Variants in KCNC2 observed in about 807,000 individuals in gnomAD.
The protein encoded by KCNC2 is potassium voltage-gated channel subfamily C member 2.
Under a neutral mutation model 44.5 loss-of-function variants are expected in KCNC2, and 21 were observed. The ratio of observed to expected loss-of-function variants is 0.47; its 90% CI spans 0.33 to 0.68. The LOEUF is 0.68. KCNC2 is among the 30% of genes least tolerant of loss of function. The probability of loss-of-function intolerance (pLI) is 0.01; values close to 1 mark genes in which losing one functional copy is unlikely to be tolerated. For missense variants in KCNC2, 589 were observed against 826.2 expected (o/e 0.71, Z 3.52); for synonymous variants, 391 against 339.1 (o/e 1.15, Z -1.68).
intron 2 of KCNC2, chr12:75,140,224 C>T (rs1324400434): frequency 6.6e-6 from 1 of 152,094 alleles, no homozygotes; most frequent in Non-Finnish European, 1.5e-5. Flanking sequence ...GAGTAAGTCA[C>T]ATCATGTAAG....
In KCNC2 at chr12:75,183,588, G is replaced by A. The variant is rs554475582; in HGVS notation, c.687+23709C>T. ...ATTCAAAATTTTTGTAAGATCTTAT[G>A]CATCTTTGAAATATTATCCACATAT... is the stretch of plus-strand genomic sequence containing the variant. On this transcript the variant is annotated intron_variant, in intron 2 of 4. Transcript: ENST00000549446. Among the ~76,000 whole-genome samples, 16 of 152,212 alleles carry A rather than the reference G, an allele frequency of 1.1e-4. No individual in the cohort carries two copies. In the South Asian group the frequency reaches 2.9e-3, roughly 28 times the overall value.
At chr12:75,052,690 G>A (rs747870689) in intron 2 of KCNC2, among the ~76,000 whole-genome samples, 1 of 152,094 alleles carries the variant, frequency 6.6e-6, no homozygotes, top group South Asian at 2.1e-4. Context: ...ATTGGGAAGA[G>A]CTGAGACAGT....
chr12:75,084,970 G>A (rs1417345530), intron 2 of KCNC2, among the ~76,000 whole-genome samples: 1 of 150,216 alleles, frequency 6.7e-6, no homozygotes, highest in East Asian at 1.9e-4. Flanking sequence ...TCTATCCAAA[G>A]AGATCAGTTA....
chr12:75,083,685 AT>A (rs772170416), intron 2 of KCNC2, among the ~76,000 whole-genome samples: 1 of 151,988 alleles, frequency 6.6e-6, no homozygotes, highest in Non-Finnish European at 1.5e-5. Flanking sequence ...AGATAGTAGA[AT>A]TATTATCCTT....
intron 2 of KCNC2, among the ~76,000 whole-genome samples, chr12:75,167,261 T>C (rs1432154128): frequency 6.6e-6 from 1 of 151,380 alleles, no homozygotes; most frequent in Non-Finnish European, 1.5e-5. Flanking sequence ...TTATCTTTAA[T>C]TTTATTTTGT....
chr12:75,175,072 A>T (rs1593028898), intron 2 of KCNC2, among the ~76,000 whole-genome samples: 1 of 152,004 alleles, frequency 6.6e-6, no homozygotes, highest in East Asian at 1.9e-4. Context: ...AGGAGGGGAC[A>T]GCTAGGCAAG....
At chr12:75,190,059 G>A (rs1426031550) in intron 2 of KCNC2, among the ~76,000 whole-genome samples, 3 of 152,108 alleles carry the variant, frequency 2.0e-5, no homozygotes, top group South Asian at 2.1e-4. Flanking sequence ...CTTTATGTCA[G>A]GCAGTCTGCT....
intron 2 of KCNC2, among the ~76,000 whole-genome samples, chr12:75,184,142 C>T (rs1593049934): frequency 6.6e-6 from 1 of 152,238 alleles, no homozygotes; most frequent in East Asian, 1.9e-4. Flanking sequence ...TATTATAACA[C>T]TTATATTTGA....
In KCNC2 at chr12:75,207,819, C is replaced by A; in HGVS notation, c.165G>T (p.Gln55His). ...GCGGCGACAGTGGAGGCGGCGACGG[C>A]TGCAGCTTGTCGCCCGCCGTGGTCA... ...DCLTTAGDKL[Q>H]PSPPPLSPPP... The change falls in exon 2 of 5, where the codon CAG becomes CAT. Residue 55 changes from glutamine (Q) to histidine (H), a missense_variant. By Grantham distance (24) the Gln-to-His change is conservative (BLOSUM62 0). This residue lies in a region of KCNC2 where 148 missense variants were observed against 140.1 expected (regional missense o/e 1.06). Coordinates refer to ENST00000549446, the MANE Select transcript of KCNC2 (RefSeq NM_139137.4). The surrounding 1 kb of genome is among the most constrained non-coding windows in gnomAD (Gnocchi z 4.1). The A allele has an allele frequency of 6.2e-7, 1 of 1,606,860 alleles. No homozygotes were observed. The highest frequency in any genetic ancestry group is 8.5e-7 in the Non-Finnish European group (1 of 1,178,224).
At position 75,086,192 on chromosome 12, in the gene KCNC2, A is replaced by G. The variant is rs1463949909; in HGVS notation, c.688-34875T>C. Among the ~76,000 whole-genome samples the G allele has an allele frequency of 2.0e-5, 3 of 151,970 alleles. No individual in the cohort carries two copies. The East Asian group carries it at 5.8e-4, about 29-fold the overall frequency. ...AAGCTACTACTTAGCTCTAAAAACC[A>G]CTTGGAAGGGCTTTCCTTGGTTTGT... On this transcript the variant is annotated intron_variant, in intron 2 of 4. Coordinates refer to ENST00000549446, the MANE Select transcript of KCNC2 (RefSeq NM_139137.4).
chr12:75,112,952 T>C (rs1225654449), intron 2 of KCNC2, among the ~76,000 whole-genome samples: 1 of 152,158 alleles, frequency 6.6e-6, no homozygotes, highest in African/African-American at 2.4e-5. Flanking sequence ...ATTGCCTTGA[T>C]GTTCAAATAA....
intron 4 of KCNC2, among the ~76,000 whole-genome samples, chr12:75,044,288 G>T (rs371273646): frequency 2.0e-5 from 3 of 151,890 alleles, no homozygotes; most frequent in African/African-American, 7.2e-5. Context: ...TTGAAAAATT[G>T]TTATAGAACA....
At chr12:75,118,083 T>C (rs1887802830) in intron 2 of KCNC2, among the ~76,000 whole-genome samples, 1 of 152,190 alleles carries the variant, frequency 6.6e-6, no homozygotes, top group Admixed American at 6.5e-5. Flanking sequence ...CCTTCAAAGG[T>C]AAGCAATGGC....
At chr12:75,086,561 A>G (rs2137107671) in intron 2 of KCNC2, among the ~76,000 whole-genome samples, 1 of 151,530 alleles carries the variant, frequency 6.6e-6, no homozygotes, top group Admixed American at 6.6e-5. Context: ...TGTAGTAGAC[A>G]CGCTCCATGA....
intron 2 of KCNC2, among the ~76,000 whole-genome samples, chr12:75,172,310 A>T (rs1282129521): frequency 6.6e-6 from 1 of 151,814 alleles, no homozygotes. Flanking sequence ...AAGGACACTC[A>T]CTGGGGCATG....
At chr12:75,111,422 C>A (rs1412029496) in intron 2 of KCNC2, among the ~76,000 whole-genome samples, 1 of 152,044 alleles carries the variant, frequency 6.6e-6, no homozygotes, top group East Asian at 1.9e-4. Flanking sequence ...TTACCAGTTA[C>A]AAACGGTATC....
Position 75,042,084 on chromosome 12 carries a change from G to T in KCNC2, c.*1021C>A. The T allele has an allele frequency of 8.2e-7, 1 of 1,215,472 alleles. No homozygotes were observed. The highest frequency in any genetic ancestry group is 1.0e-6 in the Non-Finnish European group (1 of 977,168). The allele number at this position is 1,215,472 out of a possible 1,614,324, so 75.3% of individuals were successfully genotyped here. A position where few individuals can be genotyped will look rare whatever the true frequency, so the allele number is the denominator to read the frequency against. ...AAAAAAGCCTTCTGTGAACACCAGTGACATTTGATGTTTGCACAAAAAATT... is the reference window on the plus strand; with the variant it reads ...AAAAAAGCCTTCTGTGAACACCAGTTACATTTGATGTTTGCACAAAAAATT... On this transcript the variant is annotated 3_prime_UTR_variant, in exon 5 of 5. Transcript: ENST00000549446.
At chr12:75,175,850 G>T (rs1363289107) in intron 2 of KCNC2, among the ~76,000 whole-genome samples, 1 of 151,996 alleles carries the variant, frequency 6.6e-6, no homozygotes, top group Non-Finnish European at 1.5e-5. Context: ...TTAAGAACAG[G>T]GTTGCCAGGT....
At chr12:75,105,343 A>G (rs1313826836) in intron 2 of KCNC2, among the ~76,000 whole-genome samples, 1 of 152,178 alleles carries the variant, frequency 6.6e-6, no homozygotes, top group Non-Finnish European at 1.5e-5. Flanking sequence ...TCAGAAACAG[A>G]ATTAACAAAG....
Sources: gnomAD v4.1 joint callset for allele counts (sites outside exome capture counted in the v4.1 genomes callset) on GRCh38, gnomAD v4.1.1 for gene constraint, gnomAD v4.1.1 regional missense constraint, Gnocchi (gnomAD v3.1) non-coding constraint, MANE v1.5 for transcripts, NCBI Gene and HGNC (gene_info 2026-07-23, HGNC 2026-07-21) for gene names.